The following TNN variants were observed in gnomAD, a reference collection of about 807,000 sequenced individuals.
TNN encodes the protein tenascin N.
In TNN, 122 loss-of-function variants were observed where a neutral mutation model predicts 134.4. That is an observed-to-expected ratio of 0.91 (90% CI 0.78 to 1.06). TNN has a LOEUF of 1.06. TNN is among the 50% of genes least tolerant of loss of function. The pLI is 0.00. For synonymous variants in TNN, 710 were observed against 670.3 expected, an observed-to-expected ratio of 1.06 and a Z score of -0.91; for missense variants, 1,739 against 1,699.4, an observed-to-expected ratio of 1.02 and a Z score of -0.41.
At position 175,106,191 on chromosome 1, in the gene TNN, C is replaced by T. The variant is rs966046894; in HGVS notation, c.2119+7596C>T. Reference sequence around the variant, plus strand: ...ACCTGTTAGAGTCCTAAGCATTCTCCTGTTAGTATTGGGACTTTACCCCAT... The same window carrying T: ...ACCTGTTAGAGTCCTAAGCATTCTCTTGTTAGTATTGGGACTTTACCCCAT... On this transcript the variant is annotated intron_variant, in intron 9 of 18. Transcript: ENST00000239462. 2.3e-4 allele frequency among the ~76,000 whole-genome samples: 34 copies of T among 145,668 alleles called. 2 individuals carry two copies. Among genetic ancestry groups the T allele is most frequent in the African/African-American group, 8.2e-4 (33 of 40,428 alleles).
At chr1:175,078,664 A>G (rs12068402) in intron 2 of TNN, among the ~76,000 whole-genome samples, 34,401 of 152,122 alleles carry the variant, frequency 0.23, 4,563 homozygotes, top group African/African-American at 0.37. Context: ...TAGGAAGGAA[A>G]GAAGGTGTTC....
chr1:175,081,086 T>C (rs1303810198), intron 4 of TNN, among the ~76,000 whole-genome samples: 1 of 152,210 alleles, frequency 6.6e-6, no homozygotes, highest in Non-Finnish European at 1.5e-5. Context: ...TCTGATCTGC[T>C]GGTGATTCCT....
chr1:175,102,419 C>T lies in TNN; in HGVS notation c.2119+3824C>T, dbSNP rs989963371. Among the ~76,000 whole-genome samples the T allele has an allele frequency of 4.1e-5, 6 of 146,300 alleles. 2 individuals carry two copies. The highest frequency in any genetic ancestry group is 6.8e-5 in the Admixed American group (1 of 14,664). On this transcript the variant is annotated intron_variant, in intron 9 of 18. Coordinates refer to ENST00000239462, the MANE Select transcript of TNN (RefSeq NM_022093.2). ...GAGGTTGGGGAAGGCTTAGGCATGG[C>T]GGGCTGCAGGTCCCGAGTCCTGCCC...
chr1:175,145,569 A>AAAAAAAAAAAAAAAAAAAAAAAC (rs1558378521), intron 18 of TNN, among the ~76,000 whole-genome samples: 1 of 148,764 alleles, frequency 6.7e-6, no homozygotes, highest in Non-Finnish European at 1.5e-5. Context: ...AAAAAAAAAA[A>AAAAAAAAAAAAAAAAAAAAAAAC]AAAAAAGCTG....
chr1:175,071,971 C>T (rs543066918), intron 1 of TNN, among the ~76,000 whole-genome samples: 1 of 152,288 alleles, frequency 6.6e-6, no homozygotes, highest in South Asian at 2.1e-4. Flanking sequence ...AGTCATGGCC[C>T]TCTCTGTCAT....
At chr1:175,129,028 G>T (rs1483033952) in intron 15 of TNN, among the ~76,000 whole-genome samples, 1 of 152,024 alleles carries the variant, frequency 6.6e-6, no homozygotes, top group Non-Finnish European at 1.5e-5. Flanking sequence ...AAAGTAAAGT[G>T]GTGAAAGTAC....
intron 1 of TNN, among the ~76,000 whole-genome samples, chr1:175,075,457 T>G (rs1055114878): frequency 4.6e-5 from 7 of 152,070 alleles, no homozygotes; most frequent in Non-Finnish European, 8.8e-5. Context: ...CCGCCACACC[T>G]GGCTAATTTT....
chr1:175,123,259 C>G (rs991335743), intron 11 of TNN, 141 bp from the exon 12 acceptor site: 3 of 959,582 alleles, frequency 3.1e-6, no homozygotes, highest in African/African-American at 3.3e-5. Context: ...AAATGGAGAC[C>G]AGGGGCCTTT....
chr1:175,109,642 T>G (rs1286843986), intron 9 of TNN, among the ~76,000 whole-genome samples: 1 of 150,252 alleles, frequency 6.7e-6, no homozygotes, highest in Non-Finnish European at 1.5e-5. Context: ...TGAATGGTAT[T>G]CTGTTGTGTA....
chr1:175,115,004 ACT>A (rs1289268916), intron 9 of TNN, among the ~76,000 whole-genome samples: 2 of 151,830 alleles, frequency 1.3e-5, no homozygotes, highest in African/African-American at 4.8e-5. Flanking sequence ...CACAACAATG[ACT>A]CTACTCCCTG....
intron 12 of TNN, among the ~76,000 whole-genome samples, chr1:175,125,742 T>G (rs1675503549): frequency 6.9e-6 from 1 of 144,358 alleles, no homozygotes; most frequent in Admixed American, 6.9e-5. Flanking sequence ...TCTTTCTTTC[T>G]TTCTTTCTTT....
chr1:175,094,343 A>G, intron 7 of TNN, 90 bp downstream of exon 7: 1 of 1,334,862 alleles, frequency 7.5e-7, no homozygotes, highest in South Asian at 2.0e-5. Context: ...ACCTGGCATC[A>G]GCTCTTTTGT....
intron 7 of TNN, among the ~76,000 whole-genome samples, chr1:175,094,665 C>T (rs1558354850): frequency 6.6e-6 from 1 of 152,184 alleles, no homozygotes; most frequent in South Asian, 2.1e-4. Flanking sequence ...TAGTTTGCAT[C>T]CTAAGTCAAC....
At chr1:175,099,872 C>G (rs1674676307) in intron 9 of TNN, among the ~76,000 whole-genome samples, 1 of 152,000 alleles carries the variant, frequency 6.6e-6, no homozygotes, top group Non-Finnish European at 1.5e-5. Flanking sequence ...TTCCACTGGT[C>G]TCTTACTCCC....
intron 16 of TNN, among the ~76,000 whole-genome samples, 177 bp downstream of exon 16, chr1:175,136,118 C>T (rs1675804286): frequency 6.6e-6 from 1 of 152,138 alleles, no homozygotes; most frequent in Admixed American, 6.5e-5. Context: ...CTGTCTTGCA[C>T]TCTGAACTTG....
At chr1:175,078,923 C>T (rs1336987409) in intron 2 of TNN, among the ~76,000 whole-genome samples, 1 of 152,160 alleles carries the variant, frequency 6.6e-6, no homozygotes, top group African/African-American at 2.4e-5. Context: ...CACTTTCCCC[C>T]CAGGAGTCCT....
rs768981140 is a variant in TNN at position 175,117,190 on chromosome 1, A to G, written c.2371A>G (p.Thr791Ala). Residue 791 changes from threonine (T) to alanine (A), a missense_variant, in exon 10 of 19, where the codon ACC becomes GCC. Thr to Ala is a moderately conservative substitution (Grantham distance 58). Transcript: ENST00000239462. ...GGCCCAGGAGAGCAAGAAGGCTGAC[A>G]CCAAGGCCCAGACAGGTAAGGAGCA... The part of the protein sequence containing the change: ...KGAQESKKAD[T>A]KAQTDIDSPQ... 6.8e-6 allele frequency: 11 copies of G among 1,614,266 alleles called. No homozygotes were observed. Among genetic ancestry groups the G allele is most frequent in the Admixed American group, 1.7e-5 (1 of 60,034 alleles).
chr1:175,136,535 A>G (rs747090573), intron 16 of TNN, among the ~76,000 whole-genome samples: 8 of 152,156 alleles, frequency 5.3e-5, no homozygotes, highest in Non-Finnish European at 8.8e-5. Context: ...AGATAAATGG[A>G]TGATAAATAC....
At chr1:175,087,561 T>G (rs1674346496) in intron 6 of TNN, among the ~76,000 whole-genome samples, 1 of 152,214 alleles carries the variant, frequency 6.6e-6, no homozygotes. Context: ...ACTTTTACCT[T>G]CCTGTAAGAG....
Sources: allele counts gnomAD v4.1 joint callset (sites outside exome capture counted in the v4.1 genomes callset), GRCh38; gene constraint gnomAD v4.1.1; transcripts MANE v1.5; gene names NCBI Gene and HGNC (gene_info 2026-07-23, HGNC 2026-07-21).